The following THSD4 variants were observed in gnomAD, a reference collection of about 807,000 sequenced individuals.
THSD4 encodes the protein thrombospondin type-1 domain-containing protein 4.
THSD4 carries 69 observed loss-of-function variants against 119.0 expected under a neutral mutation model. The ratio of observed to expected loss-of-function variants is 0.58; its 90% CI spans 0.48 to 0.71. The LOEUF (loss-of-function observed/expected upper bound fraction) is 0.71, where lower values mean the gene tolerates loss of function less well. Ranked by LOEUF, THSD4 falls within the 30% of genes least tolerant of loss-of-function variation. The pLI is 0.00. For synonymous variants in THSD4, 524 were observed against 540.4 expected (o/e 0.97, Z 0.42); for missense variants, 1,393 against 1,391.1 (o/e 1.00, Z -0.02).
At chr15:71,199,467 G>GA in intron 3 of THSD4, among the ~76,000 whole-genome samples, 1 of 145,172 alleles carries the variant, frequency 6.9e-6, no homozygotes, top group East Asian at 2.0e-4. Context: ...GGGGGTGTGT[G>GA]TGTGTGGTGT....
intron 8 of THSD4, 28 bp downstream of exon 8, chr15:71,660,762 C>A (rs1567087328): frequency 6.2e-7 from 1 of 1,612,506 alleles, no homozygotes; most frequent in Non-Finnish European, 8.5e-7. Flanking sequence ...CCAGAGAAAA[C>A]CGTCTGTCCC....
chr15:71,614,833 A>G (rs912604030), intron 7 of THSD4, among the ~76,000 whole-genome samples: 7 of 152,292 alleles, frequency 4.6e-5, no homozygotes, highest in Non-Finnish European at 8.8e-5. Flanking sequence ...TGAAGGAGAG[A>G]GGCAGTCAGC....
chr15:71,494,298 C>T (rs551579269), intron 7 of THSD4, among the ~76,000 whole-genome samples: 11 of 152,184 alleles, frequency 7.2e-5, no homozygotes, highest in East Asian at 1.9e-4. Flanking sequence ...AAAAAAAGGA[C>T]GGAGCTCATC....
intron 1 of THSD4, among the ~76,000 whole-genome samples, chr15:71,134,277 G>A (rs1470130247): frequency 6.6e-6 from 1 of 152,228 alleles, no homozygotes; most frequent in Non-Finnish European, 1.5e-5. Context: ...GGGGCTCCAA[G>A]GTCAGCGTCC....
intron 7 of THSD4, among the ~76,000 whole-genome samples, chr15:71,513,922 G>T (rs1227067225): frequency 2.0e-5 from 3 of 152,172 alleles, no homozygotes; most frequent in African/African-American, 7.2e-5. Context: ...AAACACACAA[G>T]AATTGATCTG....
In THSD4 at chr15:71,242,757, A is replaced by C; in HGVS notation, c.573A>C (p.Arg191Ser). Residue 191 changes from arginine to serine, a missense_variant, in exon 5 of 18, where the codon AGA becomes AGC. Arg to Ser is a moderately radical substitution (Grantham distance 110, BLOSUM62 -1). Transcript: ENST00000261862. The part of the protein sequence containing the change: ...DTAHTPQRLR[R>S]QKLSSRHSRS... Reference sequence around the variant, plus strand: ...CACACACGCCACAGAGGCTCCGGAGACAGAAGCTCTCATCCCGCCATTCCA... The same window carrying C: ...CACACACGCCACAGAGGCTCCGGAGCCAGAAGCTCTCATCCCGCCATTCCA... 6.2e-7 allele frequency: 1 copy of C among 1,614,162 alleles called. No individual in the cohort carries two copies. The highest frequency in any genetic ancestry group is 8.5e-7 in the Non-Finnish European group (1 of 1,180,024).
intron 8 of THSD4, among the ~76,000 whole-genome samples, chr15:71,726,253 G>A (rs575071079): frequency 6.6e-6 from 1 of 152,376 alleles, no homozygotes; most frequent in East Asian, 1.9e-4. Flanking sequence ...AGCCAGCCCA[G>A]TGTGGAGTCT....
intron 7 of THSD4, among the ~76,000 whole-genome samples, chr15:71,424,206 C>T (rs1006781590): frequency 3.3e-5 from 5 of 152,058 alleles, no homozygotes; most frequent in African/African-American, 9.7e-5. Context: ...TTAAATTTGG[C>T]GTTCCTGTGT....
At chr15:71,306,338 A>AAAAAAAAAG (rs1567189160) in intron 6 of THSD4, among the ~76,000 whole-genome samples, 1 of 128,002 alleles carries the variant, frequency 7.8e-6, no homozygotes, top group African/African-American at 2.8e-5. Context: ...AAAAAAAAAA[A>AAAAAAAAAG]GGGAATGGTA....
At chr15:71,564,806 GTATATTATA>G (rs2049202030) in intron 7 of THSD4, among the ~76,000 whole-genome samples, 1 of 133,198 alleles carries the variant, frequency 7.5e-6, no homozygotes, top group African/African-American at 2.8e-5. Context: ...AATATATATT[GTATATTATA>G]ACATATAATA....
chr15:71,490,923 G>A (rs1391304197), intron 7 of THSD4, among the ~76,000 whole-genome samples: 2 of 152,154 alleles, frequency 1.3e-5, no homozygotes, highest in Admixed American at 1.3e-4. Context: ...GATGCCAGGT[G>A]GCCTGCCAAG....
intron 7 of THSD4, among the ~76,000 whole-genome samples, chr15:71,658,016 C>T (rs11072319): frequency 0.26 from 39,653 of 151,986 alleles, 5,966 homozygotes; most frequent in East Asian, 0.7. Flanking sequence ...CCATCTTTGG[C>T]GACTCTCATT....
chr15:71,270,819 G>GTGGTCAGTGAGTA (rs60419003), intron 6 of THSD4, among the ~76,000 whole-genome samples: 147,035 of 150,852 alleles, frequency 0.97, 71,789 homozygotes, highest in East Asian at 1. Flanking sequence ...GAGTGGTCAG[G>GTGGTCAGTGAGTA]TAGCCATCTC....
intron 6 of THSD4, among the ~76,000 whole-genome samples, chr15:71,343,247 T>C (rs1405629406): frequency 4.6e-5 from 7 of 152,146 alleles, no homozygotes; most frequent in African/African-American, 1.7e-4. Context: ...TAGATGGATA[T>C]ATTAGATATA....
chr15:71,122,639 G>A (rs2040417916), intron 1 of THSD4, among the ~76,000 whole-genome samples: 1 of 152,120 alleles, frequency 6.6e-6, no homozygotes. Context: ...CAACTAACAG[G>A]ATTTTGTGTC....
intron 6 of THSD4, among the ~76,000 whole-genome samples, chr15:71,274,245 G>T (rs1405331770): frequency 6.6e-6 from 1 of 152,236 alleles, no homozygotes; most frequent in Non-Finnish European, 1.5e-5. Context: ...TAGCCACCTG[G>T]CTCATCAACT....
At chr15:71,622,209 G>A (rs1389539573) in intron 7 of THSD4, among the ~76,000 whole-genome samples, 1 of 152,118 alleles carries the variant, frequency 6.6e-6, no homozygotes, top group East Asian at 1.9e-4. Context: ...TACTCTGAAG[G>A]AATTAATCAA....
intron 7 of THSD4, among the ~76,000 whole-genome samples, chr15:71,440,092 T>TC (rs1291869542): frequency 1.3e-5 from 2 of 152,176 alleles, no homozygotes; most frequent in Non-Finnish European, 2.9e-5. Context: ...ATTTTTTTTT[T>TC]CCATCCCACC....
chr15:71,679,007 TGATTA>T (rs2051713204), intron 8 of THSD4, among the ~76,000 whole-genome samples: 1 of 152,298 alleles, frequency 6.6e-6, no homozygotes, highest in East Asian at 1.9e-4. Flanking sequence ...TTTCTTTCTT[TGATTA>T]AAGAAAACAT....
Sources: gnomAD v4.1 joint callset for allele counts (sites outside exome capture counted in the v4.1 genomes callset) on GRCh38, gnomAD v4.1.1 for gene constraint, MANE v1.5 for transcripts, NCBI Gene and HGNC (gene_info 2026-07-23, HGNC 2026-07-21) for gene names.